MAGI1: variants seen among roughly 807,000 people sequenced by gnomAD.
The protein encoded by MAGI1 is membrane associated guanylate kinase, WW and PDZ domain containing 1.
A neutral mutation model predicts 139.9 loss-of-function variants in MAGI1; 58 were observed. The observed-to-expected ratio is 0.41, with a 90% CI of 0.34 to 0.52. The LOEUF is 0.52. Among genes scored for constraint, MAGI1 ranks in the 20% least tolerant of loss-of-function variants. The pLI is 0.12. For missense variants in MAGI1, 1,874 were observed against 1,901.6 expected (o/e 0.99, Z 0.27); for synonymous variants, 812 against 737.9 (o/e 1.10, Z -1.63).
At chr3:65,507,925 A>T (rs539949335) in intron 2 of MAGI1, among the ~76,000 whole-genome samples, 11 of 152,206 alleles carry the variant, frequency 7.2e-5, no homozygotes, top group Non-Finnish European at 1.5e-4. Context: ...CAACATAAAA[A>T]ACCCAATTAC....
intron 1 of MAGI1, among the ~76,000 whole-genome samples, chr3:65,869,581 T>A (rs1276686524): frequency 2.0e-5 from 3 of 151,890 alleles, no homozygotes; most frequent in African/African-American, 7.3e-5. Flanking sequence ...TTTGTATTTT[T>A]AGTAGAGACA....
At chr3:65,951,536 A>G (rs1177661997) in intron 1 of MAGI1, among the ~76,000 whole-genome samples, 1 of 152,268 alleles carries the variant, frequency 6.6e-6, no homozygotes, top group Non-Finnish European at 1.5e-5. Flanking sequence ...ATATCTCACA[A>G]GTAACTTTTA....
In MAGI1 at chr3:65,483,497, C is replaced by G. The variant is rs191939752; in HGVS notation, c.551-4699G>C. ...TAGCCATGTAGAAACACAAACCTTA[C>G]AGACAGTATGCGCGACTTAACAGTA... is the stretch of plus-strand genomic sequence containing the variant. On this transcript the variant is annotated intron_variant, in intron 3 of 22. Transcript: ENST00000402939. Among the ~76,000 whole-genome samples, 3 of 152,320 alleles carry G rather than the reference C, an allele frequency of 2.0e-5. No homozygotes were observed. In the East Asian group the frequency reaches 5.8e-4, roughly 29 times the overall value.
rs143313452 is a variant in MAGI1, at chr3:65,679,588, T to C, written c.314-57500A>G. On this transcript the variant is annotated intron_variant, in intron 1 of 22. Transcript: ENST00000402939. ...CGGAAAAAAAAAATAAAAAAGCCCATGGAAAGAAAGGCTATCAAGAAGAAA... is the reference window on the plus strand; with the variant it reads ...CGGAAAAAAAAAATAAAAAAGCCCACGGAAAGAAAGGCTATCAAGAAGAAA... Among the ~76,000 whole-genome samples, 245 of 151,182 alleles carry C rather than the reference T, an allele frequency of 1.6e-3. 1 individual carries two copies. The highest frequency in any genetic ancestry group is 5.4e-3 in the African/African-American group (222 of 41,206).
chr3:65,989,142 C>G (rs1458181593), intron 1 of MAGI1, among the ~76,000 whole-genome samples: 9 of 152,218 alleles, frequency 5.9e-5, no homozygotes. Context: ...AGACACTATT[C>G]AAAGCACTGT....
At chr3:65,817,138 T>C (rs17073837) in intron 1 of MAGI1, among the ~76,000 whole-genome samples, 116 of 152,306 alleles carry the variant, frequency 7.6e-4, no homozygotes, top group African/African-American at 2.6e-3. Flanking sequence ...CGAGCTATTA[T>C]ACATTCCTTA....
intron 1 of MAGI1, among the ~76,000 whole-genome samples, chr3:65,942,607 AG>A (rs1402137697): frequency 3.3e-5 from 5 of 152,244 alleles, no homozygotes; most frequent in African/African-American, 1.2e-4. Flanking sequence ...TTTACAGTTA[AG>A]TATATCATAC....
chr3:65,528,296 G>T (rs554937597), intron 2 of MAGI1, among the ~76,000 whole-genome samples: 3 of 152,132 alleles, frequency 2.0e-5, no homozygotes, highest in African/African-American at 7.2e-5. Context: ...ATTTATCTAA[G>T]CGTTTCTCAA....
chr3:65,608,334 G>A (rs1445569517), intron 2 of MAGI1, among the ~76,000 whole-genome samples: 1 of 152,058 alleles, frequency 6.6e-6, no homozygotes, highest in African/African-American at 2.4e-5. Flanking sequence ...CCAGCTACTA[G>A]GGAGGCTAAG....
chr3:65,987,136 G>T (rs1225686185), intron 1 of MAGI1, among the ~76,000 whole-genome samples: 1 of 152,126 alleles, frequency 6.6e-6, no homozygotes, highest in Non-Finnish European at 1.5e-5. Context: ...CCAAAGTGCT[G>T]GGATTACAGG....
intron 2 of MAGI1, among the ~76,000 whole-genome samples, chr3:65,603,498 A>C (rs1017400514): frequency 6.6e-6 from 1 of 152,246 alleles, no homozygotes; most frequent in African/African-American, 2.4e-5. Flanking sequence ...AACATGCATT[A>C]AATTTTCTGT....
At chr3:65,358,871 A>T (rs1940484908) in intron 22 of MAGI1, among the ~76,000 whole-genome samples, 1 of 152,232 alleles carries the variant, frequency 6.6e-6, no homozygotes, top group African/African-American at 2.4e-5. Context: ...CACTTGGATC[A>T]CCAGTGGCTT....
intron 2 of MAGI1, among the ~76,000 whole-genome samples, chr3:65,530,426 C>A (rs1383017441): frequency 2.0e-5 from 3 of 151,718 alleles, no homozygotes. Flanking sequence ...CTAGCCTGGG[C>A]AATGTAATGA....
chr3:65,751,665 C>G (rs2107826534), intron 1 of MAGI1, among the ~76,000 whole-genome samples: 1 of 152,276 alleles, frequency 6.6e-6, no homozygotes, highest in South Asian at 2.1e-4. Flanking sequence ...GCAAGTATCA[C>G]TGAGTCAAAT....
At chr3:65,808,450 A>G (rs1028406272) in intron 1 of MAGI1, among the ~76,000 whole-genome samples, 9 of 152,104 alleles carry the variant, frequency 5.9e-5, no homozygotes, top group African/African-American at 2.2e-4. Flanking sequence ...AGTCACCCAA[A>G]TCGTGCCACT....
intron 1 of MAGI1, among the ~76,000 whole-genome samples, chr3:65,639,801 A>C (rs4369976): frequency 6.6e-6 from 1 of 151,800 alleles, no homozygotes; most frequent in Non-Finnish European, 1.5e-5. Context: ...TCTGGAGTTC[A>C]AGACCAGCCT....
Position 65,592,811 on chromosome 3 carries a change from C to A in MAGI1, c.430+29161G>T, listed in dbSNP as rs963623926. Among the ~76,000 whole-genome samples the A allele has an allele frequency of 3.9e-5, 6 of 152,274 alleles. No individual in the cohort carries two copies. In the East Asian group the frequency reaches 5.8e-4, roughly 15 times the overall value. On this transcript the variant is annotated intron_variant, in intron 2 of 22. Coordinates refer to ENST00000402939, the MANE Select transcript of MAGI1 (RefSeq NM_001033057.2). ...AACCCAACTTTTGTTTTGCCAACCACAGTAACTTCTGGGAAAAACTTCCCA... is the reference window on the plus strand; with the variant it reads ...AACCCAACTTTTGTTTTGCCAACCAAAGTAACTTCTGGGAAAAACTTCCCA...
At chr3:65,550,113 AGCT>A (rs2079749339) in intron 2 of MAGI1, among the ~76,000 whole-genome samples, 1 of 152,076 alleles carries the variant, frequency 6.6e-6, no homozygotes, top group African/African-American at 2.4e-5. Context: ...ATAGAAGAAA[AGCT>A]ACCCACATTA....
At chr3:65,979,728 G>A (rs1409767976) in intron 1 of MAGI1, among the ~76,000 whole-genome samples, 1 of 152,138 alleles carries the variant, frequency 6.6e-6, no homozygotes, top group Non-Finnish European at 1.5e-5. Flanking sequence ...AATCCAAAGG[G>A]TGCTCATAAA....
Sources: gnomAD v4.1 joint callset for allele counts (sites outside exome capture counted in the v4.1 genomes callset) on GRCh38, gnomAD v4.1.1 for gene constraint, MANE v1.5 for transcripts, NCBI Gene and HGNC (gene_info 2026-07-23, HGNC 2026-07-21) for gene names.